Variants in ADGRG3 observed in about 807,000 individuals in gnomAD.
ADGRG3 encodes the protein adhesion G protein-coupled receptor G3.
A neutral mutation model predicts 54.3 loss-of-function variants in ADGRG3; 39 were observed. That is an observed-to-expected ratio of 0.72 (90% confidence interval 0.56 to 0.94). The LOEUF is 0.94. Ranked by LOEUF, ADGRG3 falls within the 40% of genes least tolerant of loss-of-function variation. ADGRG3 has a pLI of 0.00. For missense variants in ADGRG3, 654 were observed against 694.6 expected (o/e 0.94, Z 0.66); for synonymous variants, 312 against 290.0 (o/e 1.08, Z -0.77).
chr16:57,683,730 C>T (rs543098224), intron 8 of ADGRG3, among the ~76,000 whole-genome samples: 3 of 152,310 alleles, frequency 2.0e-5, no homozygotes, highest in South Asian at 2.1e-4. Flanking sequence ...CACAGGGCCC[C>T]GTGGGCCATG....
chr16:57,666,369 A>G (rs1158551414), upstream of ADGRG3, among the ~76,000 whole-genome samples: 1 of 152,256 alleles, frequency 6.6e-6, no homozygotes, highest in Non-Finnish European at 1.5e-5. Flanking sequence ...ACAGGGCACC[A>G]ACAGTTCCAT....
intron 1 of ADGRG3, 129 bp from the exon 2 acceptor site, chr16:57,673,192 A>T: frequency 2.4e-6 from 2 of 832,614 alleles, no homozygotes; most frequent in Non-Finnish European, 3.9e-6. Context: ...GTGCACCGTT[A>T]GTGTGATGCA....
chr16:57,672,016 TAAA>T (rs779109927), intron 1 of ADGRG3, among the ~76,000 whole-genome samples: 1 of 150,960 alleles, frequency 6.6e-6, no homozygotes, highest in South Asian at 2.1e-4. Flanking sequence ...ATAAACAACA[TAAA>T]AAAAGGAAAA....
In ADGRG3 at chr16:57,685,015, G is replaced by C. The variant is rs538872576; in HGVS notation, c.1256+532G>C. ...TCAGTCTCCTCATCTGCACCATGGG[G>C]GAACTGATCAACATGCTCTTTGAGG... On this transcript the variant is annotated intron_variant, in intron 10 of 11. Transcript: ENST00000333493. Among the ~76,000 whole-genome samples the C allele has an allele frequency of 3.3e-5, 5 of 152,344 alleles. No homozygotes were observed. In the East Asian group the frequency reaches 9.6e-4, roughly 29 times the overall value.
rs117269483 is a variant in ADGRG3, at chr16:57,670,355, T to G, written c.58+1950T>G. 5.2e-4 allele frequency among the ~76,000 whole-genome samples: 79 copies of G among 152,266 alleles called. 1 individual carries two copies. In the East Asian group the frequency reaches 0.013, roughly 26 times the overall value. On this transcript the variant is annotated intron_variant, in intron 1 of 11. Coordinates refer to ENST00000333493, the MANE Select transcript of ADGRG3 (RefSeq NM_170776.5). ...CTGTGTAGGGTGCTTGCCAAGAGCT[T>G]CACTTACATGCCTGCGCTGAAATTC...
chr16:57,684,979 C>T (rs1374172110), intron 10 of ADGRG3, among the ~76,000 whole-genome samples: 1 of 152,216 alleles, frequency 6.6e-6, no homozygotes, highest in Admixed American at 6.5e-5. Context: ...GGCCCGATCT[C>T]TCCCAGGGCC....
At chr16:57,681,599 G>T (rs1284215029) in intron 8 of ADGRG3, among the ~76,000 whole-genome samples, 3 of 151,864 alleles carry the variant, frequency 2.0e-5, no homozygotes, top group Non-Finnish European at 4.4e-5. Flanking sequence ...GGTGGTGCGC[G>T]CCTGTAATCC....
intron 1 of ADGRG3, among the ~76,000 whole-genome samples, chr16:57,672,671 C>T (rs9930732): frequency 0.11 from 17,184 of 152,142 alleles, 997 homozygotes; most frequent in Non-Finnish European, 0.13. Context: ...GAAAGGGAAC[C>T]GAACTAAAAG....
chr16:57,684,714 T>C (rs1184201905), intron 10 of ADGRG3, among the ~76,000 whole-genome samples: 1 of 152,160 alleles, frequency 6.6e-6, no homozygotes, highest in East Asian at 1.9e-4. Context: ...GAGGGAGAAC[T>C]GGACCAGGAG....
chr16:57,681,596 C>T (rs1284584743), intron 8 of ADGRG3, among the ~76,000 whole-genome samples: 3 of 151,700 alleles, frequency 2.0e-5, no homozygotes, highest in African/African-American at 4.8e-5. Context: ...CGTGGTGGTG[C>T]GCGCCTGTAA....
chr16:57,674,738 C>A (rs912360140), intron 2 of ADGRG3: 5 of 249,496 alleles, frequency 2.0e-5, no homozygotes, highest in Admixed American at 4.6e-5. Context: ...AATCCTAGCA[C>A]TTTGGGAGGC....
intron 3 of ADGRG3, 64 bp from the exon 4 acceptor site, chr16:57,678,106 G>A: frequency 6.3e-7 from 1 of 1,586,812 alleles, no homozygotes; most frequent in Non-Finnish European, 8.6e-7. Flanking sequence ...TCCCAGCTGG[G>A]GGAGTGGCAG....
rs1411050344 is a variant in ADGRG3 at position 57,684,403 on chromosome 16, G to A, written c.1176G>A (p.Leu392=). The A allele has an allele frequency of 1.2e-6, 2 of 1,613,872 alleles. No homozygotes were observed. The highest frequency in any genetic ancestry group is 1.7e-6 in the Non-Finnish European group (2 of 1,179,870). ...LSLVGWGLPA[L]MVIGTGSANS... ...CCTTGTGCCCAGGCCTGCCCGCCCT[G>A]ATGGTCATCGGCACTGGGAGTGCCA... Residue 392 remains leucine, a synonymous_variant, in exon 10 of 12, where the codon CTG becomes CTA. Transcript: ENST00000333493.
At chr16:57,683,733 G>A (rs1168358601) in intron 8 of ADGRG3, among the ~76,000 whole-genome samples, 199 bp from the exon 9 acceptor site, 3 of 152,182 alleles carry the variant, frequency 2.0e-5, no homozygotes, top group Non-Finnish European at 4.4e-5. Flanking sequence ...AGGGCCCCGT[G>A]GGCCATGAGA....
chr16:57,674,546 T>C, intron 2 of ADGRG3: 1 of 454,896 alleles, frequency 2.2e-6, no homozygotes, highest in East Asian at 7.0e-5. Flanking sequence ...CATTGGATCA[T>C]GTTATTTCAG....
intron 8 of ADGRG3, among the ~76,000 whole-genome samples, chr16:57,681,745 A>AAG (rs57063207): frequency 0.011 from 1,459 of 128,152 alleles, 20 homozygotes; most frequent in South Asian, 0.021. Context: ...AAAAAAAAAA[A>AAG]AGAGAGAGAG....
At chr16:57,679,919 G>A in intron 6 of ADGRG3, 64 bp downstream of exon 6, 1 of 1,327,276 alleles carries the variant, frequency 7.5e-7, no homozygotes, top group Non-Finnish European at 1.1e-6. Context: ...GCATTGTGGG[G>A]CGGGGCTAGC....
At chr16:57,680,459 G>C in intron 7 of ADGRG3, 46 bp from the exon 8 acceptor site, 1 of 1,578,282 alleles carries the variant, frequency 6.3e-7, no homozygotes, top group Non-Finnish European at 8.7e-7. Context: ...GGGTATATGG[G>C]CCTGGCCTCC....
chr16:57,680,769 T>C (rs1224008421), intron 8 of ADGRG3, 152 bp downstream of exon 8: 3 of 630,538 alleles, frequency 4.8e-6, no homozygotes, highest in African/African-American at 3.6e-5. Context: ...GGGGTTGAAA[T>C]GTGTCAGAGC....
Sources: gnomAD v4.1 joint callset for allele counts (sites outside exome capture counted in the v4.1 genomes callset) on GRCh38, gnomAD v4.1.1 for gene constraint, MANE v1.5 for transcripts, NCBI Gene and HGNC (gene_info 2026-07-23, HGNC 2026-07-21) for gene names.